The following IL34 variants were observed in gnomAD, a reference collection of about 807,000 sequenced individuals.
The protein encoded by IL34 is interleukin-34.
A neutral mutation model predicts 25.3 loss-of-function variants in IL34; 17 were observed. The observed-to-expected ratio is 0.67, with a 90% CI of 0.46 to 1.01. IL34 has a LOEUF of 1.01. IL34 is among the 50% of genes least tolerant of loss of function. The pLI is 0.00. For missense variants in IL34, 368 were observed against 312.9 expected (o/e 1.18, Z -1.33); for synonymous variants, 174 against 140.9 (o/e 1.23, Z -1.66).
chr16:70,610,683 G>T lies in IL34; in HGVS notation c.-401+30634G>T, dbSNP rs145348644. 4.0e-4 allele frequency among the ~76,000 whole-genome samples: 61 copies of T among 152,356 alleles called. 1 individual carries two copies. Reference sequence around the variant, plus strand: ...GGTGGCCAGAGAAGGCATCTCTACGGAGGTGATGTTTGAGCTGACAAGAAG... The same window carrying T: ...GGTGGCCAGAGAAGGCATCTCTACGTAGGTGATGTTTGAGCTGACAAGAAG... On this transcript the variant is annotated intron_variant, in intron 1 of 6. Coordinates refer to the IL34 transcript ENST00000429149.
chr16:70,592,199 C>A (rs1021947873), intron 1 of IL34, among the ~76,000 whole-genome samples: 5 of 151,934 alleles, frequency 3.3e-5, no homozygotes, highest in Non-Finnish European at 7.4e-5. Context: ...GGCCAGCAGA[C>A]CTGCTGGCCC....
At chr16:70,603,318 T>A (rs1354664731) in intron 1 of IL34, among the ~76,000 whole-genome samples, 1 of 152,216 alleles carries the variant, frequency 6.6e-6, no homozygotes. Flanking sequence ...TCGCTCTTGT[T>A]GCCCAGGCTA....
At chr16:70,617,438 C>T (rs922893954) in intron 1 of IL34, among the ~76,000 whole-genome samples, 8 of 151,694 alleles carry the variant, frequency 5.3e-5, no homozygotes, top group East Asian at 1.9e-4. Context: ...TAGTTGAGAA[C>T]GGAGAATAGG....
At chr16:70,629,369 T>A (rs12917749) in intron 1 of IL34, among the ~76,000 whole-genome samples, 85,859 of 152,020 alleles carry the variant, frequency 0.56, 27,569 homozygotes, top group African/African-American at 0.89. Flanking sequence ...ATCAATTCCT[T>A]CTTTTCCTGA....
At chr16:70,625,608 C>G (rs2051375388) in intron 1 of IL34, among the ~76,000 whole-genome samples, 1 of 152,032 alleles carries the variant, frequency 6.6e-6, no homozygotes, top group Admixed American at 6.6e-5. Context: ...GGTCTGACAC[C>G]TTTGAAACGT....
intron 1 of IL34, among the ~76,000 whole-genome samples, chr16:70,636,195 C>T (rs145793241): frequency 2.4e-4 from 36 of 152,038 alleles, no homozygotes; most frequent in African/African-American, 7.2e-4. Flanking sequence ...TGTGCCACCA[C>T]GCCCAGCTAA....
At chr16:70,629,858 T>C (rs1184758105) in intron 1 of IL34, among the ~76,000 whole-genome samples, 1 of 151,042 alleles carries the variant, frequency 6.6e-6, no homozygotes, top group East Asian at 1.9e-4. Context: ...TTTTGTGTTA[T>C]GATTCAGTTA....
chr16:70,623,709 T>C (rs534942913), intron 1 of IL34, among the ~76,000 whole-genome samples: 7 of 151,812 alleles, frequency 4.6e-5, no homozygotes, highest in South Asian at 2.1e-4. Flanking sequence ...CAATGAGATG[T>C]AGCTGTAGTC....
chr16:70,613,795 T>C, intron 1 of IL34, among the ~76,000 whole-genome samples: 1 of 148,504 alleles, frequency 6.7e-6, no homozygotes, highest in African/African-American at 2.5e-5. Flanking sequence ...GATTGCTTGA[T>C]CCTGGGAGGT....
chr16:70,644,936 AGAGGAGGAAGGAGGAAGAG>A (rs1253769561), upstream of IL34, among the ~76,000 whole-genome samples: 26 of 43,788 alleles, frequency 5.9e-4, no homozygotes, highest in East Asian at 2.1e-3. Flanking sequence ...GGAAGGAGGA[AGAGGAGGAAGGAGGAAGAG>A]GAGGAGGAAG....
intron 1 of IL34, among the ~76,000 whole-genome samples, chr16:70,606,410 T>C (rs2051005507): frequency 6.6e-6 from 1 of 151,756 alleles, no homozygotes; most frequent in South Asian, 2.1e-4. Context: ...AAAACAAAAA[T>C]AAAAATAAAT....
intron 1 of IL34, among the ~76,000 whole-genome samples, chr16:70,631,389 GT>G (rs1444917273): frequency 1.4e-5 from 2 of 143,570 alleles, no homozygotes; most frequent in Non-Finnish European, 3.1e-5. Flanking sequence ...TAGAAATTGG[GT>G]TTTCCCATGG....
At chr16:70,658,659 C>T (rs369980239) in intron 4 of IL34, among the ~76,000 whole-genome samples, 5 of 150,474 alleles carry the variant, frequency 3.3e-5, no homozygotes, top group Admixed American at 2.7e-4. Flanking sequence ...TTAGTAGAGA[C>T]GGGGTTCTGC....
intron 1 of IL34, among the ~76,000 whole-genome samples, chr16:70,605,752 C>T (rs1965253): frequency 0.36 from 54,605 of 151,712 alleles, 10,429 homozygotes; most frequent in South Asian, 0.61. Flanking sequence ...CTCACTGCAA[C>T]ATCTGCCTCC....
intron 1 of IL34, 54 bp from the exon 2 acceptor site, chr16:70,654,484 C>T (rs1260579099): frequency 1.8e-5 from 27 of 1,535,190 alleles, no homozygotes; most frequent in Admixed American, 3.7e-5. Flanking sequence ...GTGTTGTGGA[C>T]GGCGTGGATG....
At chr16:70,634,330 T>G in intron 1 of IL34, among the ~76,000 whole-genome samples, 1 of 152,138 alleles carries the variant, frequency 6.6e-6, no homozygotes, top group Non-Finnish European at 1.5e-5. Flanking sequence ...AGTACAGATA[T>G]GTTTTATTGA....
upstream of IL34, among the ~76,000 whole-genome samples, chr16:70,643,212 A>G (rs1160897712): frequency 6.6e-6 from 1 of 151,970 alleles, no homozygotes; most frequent in Admixed American, 6.5e-5. Flanking sequence ...ACAGGTGCGC[A>G]CCACCGTGCC....
intron 1 of IL34, among the ~76,000 whole-genome samples, chr16:70,632,809 T>C (rs866646343): frequency 1.3e-5 from 2 of 152,248 alleles, no homozygotes; most frequent in East Asian, 1.9e-4. Context: ...CAGAGTAGCA[T>C]TGGGCTGGCC....
At chr16:70,644,784 G>T (rs1204756973), upstream of IL34, among the ~76,000 whole-genome samples, 1 of 139,692 alleles carries the variant, frequency 7.2e-6, no homozygotes, top group African/African-American at 2.9e-5. Context: ...GAGGAGGGAG[G>T]AAAAGGAGGA....
Sources: allele counts gnomAD v4.1 joint callset (sites outside exome capture counted in the v4.1 genomes callset), GRCh38; gene constraint gnomAD v4.1.1; transcripts MANE v1.5; gene names NCBI Gene and HGNC (gene_info 2026-07-23, HGNC 2026-07-21).